Variants in NUGGC observed in about 807,000 individuals in gnomAD.
NUGGC encodes nuclear GTPase SLIP-GC.
In NUGGC, 58 loss-of-function variants were observed where a neutral mutation model predicts 92.6. The ratio of observed to expected loss-of-function variants is 0.63; its 90% CI spans 0.51 to 0.78. NUGGC has a LOEUF of 0.78. Ranked by LOEUF, NUGGC falls within the 30% of genes least tolerant of loss-of-function variation. The pLI, the probability that NUGGC is intolerant of heterozygous loss-of-function variation, is 0.00. For missense variants in NUGGC, 925 were observed against 964.6 expected (o/e 0.96, Z 0.54); for synonymous variants, 376 against 366.4 (o/e 1.03, Z -0.30).
At chr8:28,035,275 T>C (rs528495107) in intron 13 of NUGGC, among the ~76,000 whole-genome samples, 5 of 152,334 alleles carry the variant, frequency 3.3e-5, no homozygotes, top group Non-Finnish European at 5.9e-5. Context: ...TCTATTGCTA[T>C]GAAACAAATT....
intron 5 of NUGGC, 24 bp from the exon 6 acceptor site, chr8:28,067,768 G>T: frequency 6.4e-7 from 1 of 1,570,880 alleles, no homozygotes; most frequent in Non-Finnish European, 8.7e-7. Flanking sequence ...GTAGGGCCAA[G>T]CCCCTCTTGA....
At position 28,045,515 on chromosome 8, in the gene NUGGC, TG is replaced by T; in HGVS notation, c.1446+11del. ...GAAGGGGGAGAATATGAAAACCCAG[TG>T]TCTTCCATACCGGCAGGTTTTGCGT... On this transcript the variant is annotated intron_variant, in intron 12 of 18. Coordinates refer to ENST00000413272, the MANE Select transcript of NUGGC (RefSeq NM_001010906.2). 6.2e-7 allele frequency: 1 copy of T among 1,610,074 alleles called. No homozygotes were observed. The highest frequency in any genetic ancestry group is 1.3e-5 in the African/African-American group (1 of 74,928).
At chr8:28,059,232 G>A (rs764121619) in intron 8 of NUGGC, among the ~76,000 whole-genome samples, 5 of 152,246 alleles carry the variant, frequency 3.3e-5, no homozygotes, top group Admixed American at 6.5e-5. Flanking sequence ...AGACGCATCC[G>A]TGACATCACA....
intron 10 of NUGGC, among the ~76,000 whole-genome samples, chr8:28,055,698 C>T (rs1276200612): frequency 2.0e-5 from 3 of 152,066 alleles, no homozygotes; most frequent in Admixed American, 1.3e-4. Context: ...CCAGACATGG[C>T]GGTGCATGCC....
At chr8:28,069,807 A>G (rs1201632202) in intron 3 of NUGGC, 155 bp from the exon 4 acceptor site, 4 of 617,072 alleles carry the variant, frequency 6.5e-6, no homozygotes, top group Non-Finnish European at 1.2e-5. Context: ...CACACGAGGG[A>G]TGGCGGCTCA....
chr8:28,043,081 C>A lies in NUGGC; in HGVS notation c.1447-1866G>T, dbSNP rs76636872. On this transcript the variant is annotated intron_variant, in intron 12 of 18. Coordinates refer to ENST00000413272, the MANE Select transcript of NUGGC (RefSeq NM_001010906.2). ...TTTTTCCCAGGACATCCTTTAGATT[C>A]TTTTGAATTTGTGGTGTCACCAGTG... 7.1e-3 allele frequency among the ~76,000 whole-genome samples: 1,079 copies of A among 152,282 alleles called. 18 individuals carry two copies. Among genetic ancestry groups the A allele is most frequent in the African/African-American group, 0.025 (1,054 of 41,556 alleles).
At chr8:28,051,867 A>G (rs1046864519) in intron 10 of NUGGC, among the ~76,000 whole-genome samples, 9 of 152,206 alleles carry the variant, frequency 5.9e-5, no homozygotes, top group African/African-American at 1.7e-4. Flanking sequence ...GGTTGCGGTG[A>G]GCCAAGATAG....
intron 15 of NUGGC, 109 bp from the exon 16 acceptor site, chr8:28,030,527 C>A: frequency 1.5e-6 from 1 of 675,502 alleles, no homozygotes; most frequent in South Asian, 1.7e-5. Context: ...TTATATGATG[C>A]CCAGTTGTTT....
intron 7 of NUGGC, 115 bp from the exon 8 acceptor site, chr8:28,060,716 C>A: frequency 1.2e-6 from 1 of 810,360 alleles, no homozygotes; most frequent in Non-Finnish European, 1.9e-6. Context: ...CTCACCGCTC[C>A]CCACCGCACT....
chr8:28,043,971 A>C (rs1585567837), intron 12 of NUGGC, among the ~76,000 whole-genome samples: 2 of 152,364 alleles, frequency 1.3e-5, no homozygotes, highest in Non-Finnish European at 1.5e-5. Flanking sequence ...CATAAGAAAT[A>C]GATTTAAAAA....
At chr8:28,073,397 C>A (rs977444827) in intron 2 of NUGGC, among the ~76,000 whole-genome samples, 1 of 152,064 alleles carries the variant, frequency 6.6e-6, no homozygotes, top group Non-Finnish European at 1.5e-5. Context: ...GCAGCTCTTC[C>A]TATATGCCTG....
intron 10 of NUGGC, 55 bp from the exon 11 acceptor site, chr8:28,047,667 A>G (rs1809875345): frequency 3.6e-6 from 4 of 1,110,224 alleles, no homozygotes; most frequent in Middle Eastern, 2.0e-4. Flanking sequence ...AGCAAAGGCA[A>G]TCATGCACAG....
At chr8:28,035,147 C>A (rs1292963045) in intron 13 of NUGGC, among the ~76,000 whole-genome samples, 1 of 152,196 alleles carries the variant, frequency 6.6e-6, no homozygotes, top group African/African-American at 2.4e-5. Context: ...AAACTCTCAA[C>A]AGGGTGATCT....
At chr8:28,073,735 C>T (rs1375789444) in intron 2 of NUGGC, among the ~76,000 whole-genome samples, 2 of 152,134 alleles carry the variant, frequency 1.3e-5, no homozygotes, top group Non-Finnish European at 2.9e-5. Context: ...AGCCGCCTAA[C>T]GTCATTCCAG....
chr8:28,074,587 C>T (rs1810674160), intron 1 of NUGGC, 131 bp from the exon 2 acceptor site: 3 of 642,394 alleles, frequency 4.7e-6, no homozygotes, highest in Non-Finnish European at 8.5e-6. Context: ...TCCCTCACAA[C>T]ACCTAGTACA....
intron 12 of NUGGC, among the ~76,000 whole-genome samples, chr8:28,041,837 T>A (rs1809707398): frequency 6.6e-6 from 1 of 152,266 alleles, no homozygotes; most frequent in African/African-American, 2.4e-5. Flanking sequence ...AGAAAACATA[T>A]ATTCAAATAA....
At chr8:28,052,619 G>A (rs890423300) in intron 10 of NUGGC, among the ~76,000 whole-genome samples, 2 of 152,164 alleles carry the variant, frequency 1.3e-5, no homozygotes, top group Non-Finnish European at 2.9e-5. Flanking sequence ...CAGTTTCAGA[G>A]GGAGCATGGC....
chr8:28,077,671 A>G (rs1299419429), intron 1 of NUGGC, among the ~76,000 whole-genome samples: 3 of 152,216 alleles, frequency 2.0e-5, no homozygotes, highest in Non-Finnish European at 2.9e-5. Context: ...AATGCTAGGC[A>G]TCATATTATC....
At chr8:28,076,421 C>G (rs1005259449) in intron 1 of NUGGC, among the ~76,000 whole-genome samples, 11 of 152,294 alleles carry the variant, frequency 7.2e-5, no homozygotes, top group African/African-American at 2.4e-4. Context: ...GCCTCAGCCT[C>G]CAGAGTAGCT....
Sources: allele counts gnomAD v4.1 joint callset (sites outside exome capture counted in the v4.1 genomes callset), GRCh38; gene constraint gnomAD v4.1.1; transcripts MANE v1.5; gene names NCBI Gene and HGNC (gene_info 2026-07-23, HGNC 2026-07-21).